Variants in RTF1 observed in about 807,000 individuals in gnomAD.
RTF1 encodes the protein RNA polymerase-associated protein RTF1 homolog.
A neutral mutation model predicts 95.7 loss-of-function variants in RTF1; 10 were observed. That is an observed-to-expected ratio of 0.10 (90% CI 0.06 to 0.18). RTF1 has a LOEUF of 0.18. Among genes scored for constraint, RTF1 ranks in the 10% least tolerant of loss-of-function variants. The pLI is 1.00. For synonymous variants in RTF1, 305 were observed against 311.8 expected, an observed-to-expected ratio of 0.98 and a Z score of 0.23; for missense variants, 458 against 875.6, an observed-to-expected ratio of 0.52 and a Z score of 6.02.
At chr15:41,477,312 C>T (rs1374264315) in intron 13 of RTF1, 26 bp downstream of exon 13, 1 of 1,613,932 alleles carries the variant, frequency 6.2e-7, no homozygotes, top group Non-Finnish European at 8.5e-7. Flanking sequence ...TATTTTTGGC[C>T]CGCAGACCTT....
At position 41,471,391 on chromosome 15, in the gene RTF1, A is replaced by G. The variant is rs764628858; in HGVS notation, c.1203+42A>G. 3.2e-6 allele frequency: 5 copies of G among 1,570,076 alleles called. No individual in the cohort carries two copies. The South Asian group carries it at 6.0e-5, about 19-fold the overall frequency. Reference sequence around the variant, plus strand: ...TTGGACAATTGTCCATGCTTTCAGTATAATTAGTCTCAACTGAGGGCAGGA... The same window carrying G: ...TTGGACAATTGTCCATGCTTTCAGTGTAATTAGTCTCAACTGAGGGCAGGA... On this transcript the variant is annotated intron_variant, in intron 8 of 17. Coordinates refer to ENST00000389629, the MANE Select transcript of RTF1 (RefSeq NM_015138.5).
At chr15:41,478,067 C>T (rs1016041387) in intron 14 of RTF1, among the ~76,000 whole-genome samples, 1 of 151,356 alleles carries the variant, frequency 6.6e-6, no homozygotes, top group African/African-American at 2.4e-5. Context: ...CGTGCCACTG[C>T]ACTTTAGCCT....
intron 1 of RTF1, among the ~76,000 whole-genome samples, chr15:41,424,369 T>C (rs1272339452): frequency 6.6e-6 from 1 of 152,120 alleles, no homozygotes; most frequent in Non-Finnish European, 1.5e-5. Flanking sequence ...TGTTGAATGT[T>C]CATGGTTGAG....
chr15:41,478,461 G>A (rs1222450912), intron 14 of RTF1, 87 bp from the exon 15 acceptor site: 6 of 908,308 alleles, frequency 6.6e-6, no homozygotes, highest in East Asian at 5.1e-5. Context: ...TTTCAGTCCC[G>A]TGCAAAGACT....
chr15:41,426,688 CGCCCCCCCCCCCCCCCG>C, intron 1 of RTF1, among the ~76,000 whole-genome samples: 1 of 11,010 alleles, frequency 9.1e-5, no homozygotes, highest in African/African-American at 2.8e-4. Flanking sequence ...TGATCCACCC[CGCCCCCCCCCCCCCCCG>C]CCCCCCCCCC....
intron 1 of RTF1, among the ~76,000 whole-genome samples, chr15:41,419,212 T>C (rs2050588359): frequency 6.6e-6 from 1 of 152,236 alleles, no homozygotes; most frequent in Non-Finnish European, 1.5e-5. Flanking sequence ...AATCTATTTT[T>C]TTCTGTCTTT....
chr15:41,432,331 G>A (rs958228739), intron 1 of RTF1, among the ~76,000 whole-genome samples: 2 of 150,120 alleles, frequency 1.3e-5, no homozygotes, highest in African/African-American at 4.9e-5. Context: ...CGGAGTACCT[G>A]GGACTACAGG....
At chr15:41,439,503 C>CCA (rs988384361) in intron 2 of RTF1, among the ~76,000 whole-genome samples, 33 of 152,224 alleles carry the variant, frequency 2.2e-4, no homozygotes, top group African/African-American at 7.9e-4. Context: ...GGAGGAAAAT[C>CCA]CAACTGTTCA....
At chr15:41,437,651 TG>T (rs1232712802) in intron 1 of RTF1, among the ~76,000 whole-genome samples, 1 of 152,192 alleles carries the variant, frequency 6.6e-6, no homozygotes, top group Non-Finnish European at 1.5e-5. Flanking sequence ...AAGGGAACCA[TG>T]TGACAGAGCA....
rs58221683 is a variant in RTF1 at position 41,470,650 on chromosome 15, C to CTTTTTT, written c.1025+279_1025+284dup. Among the ~76,000 whole-genome samples the CTTTTTT allele has an allele frequency of 1.2e-3, 89 of 75,490 alleles. 1 individual carries two copies. Among genetic ancestry groups the CTTTTTT allele is most frequent in the Non-Finnish European group, 1.8e-3 (67 of 38,192 alleles). The allele number at this position is 75,490 out of a possible 152,430, so 49.5% of individuals were successfully genotyped here. ...TTGGCCTGGAGCTTTCATTCATTTT[C>CTTTTTT]TTTTTTTTTTTTTTTTTTTTTTTTT... On this transcript the variant is annotated intron_variant, in intron 7 of 17. Transcript: ENST00000389629.
chr15:41,477,008 CTTGTAT>C (rs1267744495), intron 12 of RTF1, among the ~76,000 whole-genome samples, 151 bp from the exon 13 acceptor site: 2 of 152,342 alleles, frequency 1.3e-5, no homozygotes, highest in East Asian at 3.9e-4. Flanking sequence ...TAAATTATAT[CTTGTAT>C]TTGTAAAGTA....
intron 2 of RTF1, among the ~76,000 whole-genome samples, chr15:41,443,833 C>T (rs976430624): frequency 2.6e-5 from 4 of 151,814 alleles, no homozygotes; most frequent in Non-Finnish European, 5.9e-5. Context: ...TTTGGGAGGC[C>T]GAGACAGGCA....
intron 14 of RTF1, 94 bp from the exon 15 acceptor site, chr15:41,478,453 TC>T: frequency 2.5e-5 from 22 of 864,258 alleles, no homozygotes; most frequent in South Asian, 9.3e-5. Flanking sequence ...TTTTTTTTTT[TC>T]AGTCCCGTGC....
intron 1 of RTF1, 43 bp downstream of exon 1, chr15:41,417,356 G>C: frequency 8.0e-7 from 1 of 1,243,208 alleles, no homozygotes; most frequent in Non-Finnish European, 1.0e-6. Flanking sequence ...GAGCCAGAGG[G>C]CTGTCGGGGC....
At chr15:41,449,745 C>T (rs1344105446) in intron 2 of RTF1, among the ~76,000 whole-genome samples, 1 of 151,892 alleles carries the variant, frequency 6.6e-6, no homozygotes, top group Non-Finnish European at 1.5e-5. Context: ...GCGGGAATAT[C>T]ACTTGAGCCC....
At chr15:41,473,236 C>G (rs1361210070) in intron 8 of RTF1, among the ~76,000 whole-genome samples, 1 of 151,966 alleles carries the variant, frequency 6.6e-6, no homozygotes, top group Admixed American at 6.6e-5. Flanking sequence ...TGGGTTCACG[C>G]CATTCTCCTG....
chr15:41,429,093 C>G (rs983166249), intron 1 of RTF1, among the ~76,000 whole-genome samples: 1 of 152,048 alleles, frequency 6.6e-6, no homozygotes, highest in Non-Finnish European at 1.5e-5. Context: ...GTTGCCCATG[C>G]TGGTCTCAAA....
intron 1 of RTF1, among the ~76,000 whole-genome samples, chr15:41,424,809 G>A (rs949935512): frequency 1.3e-5 from 2 of 152,090 alleles, no homozygotes; most frequent in Non-Finnish European, 2.9e-5. Flanking sequence ...CCAGGAGTTC[G>A]ACCAGGCGGG....
In RTF1 at chr15:41,419,498, A is replaced by T. The variant is rs186197789; in HGVS notation, c.198+2185A>T. Among the ~76,000 whole-genome samples the T allele has an allele frequency of 6.6e-4, 100 of 152,324 alleles. 1 individual carries two copies. The highest frequency in any genetic ancestry group is 2.3e-3 in the African/African-American group (94 of 41,578). On this transcript the variant is annotated intron_variant, in intron 1 of 17. Transcript: ENST00000389629. ...ATACCAACTCAATCTGTTAGTTTTA[A>T]ATTTTTTTCATACTGCAAAATGATA... is the stretch of plus-strand genomic sequence containing the variant.
Sources: gnomAD v4.1 joint callset for allele counts (sites outside exome capture counted in the v4.1 genomes callset) on GRCh38, gnomAD v4.1.1 for gene constraint, MANE v1.5 for transcripts, NCBI Gene and HGNC (gene_info 2026-07-23, HGNC 2026-07-21) for gene names.